Variants in MNAT1 observed in about 807,000 individuals in gnomAD.
The protein encoded by MNAT1 is CDK-activating kinase assembly factor MAT1.
Under a neutral mutation model 42.0 loss-of-function variants are expected in MNAT1, and 43 were observed. The ratio of observed to expected loss-of-function variants is 1.02; its 90% confidence interval spans 0.80 to 1.32. MNAT1 has a LOEUF of 1.32. Among genes scored for constraint, MNAT1 ranks in the 40% most tolerant of loss-of-function variants. The probability of loss-of-function intolerance (pLI) is 0.00; values close to 1 mark genes in which losing one functional copy is unlikely to be tolerated. For missense variants in MNAT1, 306 were observed against 350.4 expected (o/e 0.87, Z 1.01); for synonymous variants, 118 against 120.0 (o/e 0.98, Z 0.11).
At chr14:60,783,678 A>T (rs1447338754) in intron 1 of MNAT1, among the ~76,000 whole-genome samples, 1 of 151,194 alleles carries the variant, frequency 6.6e-6, no homozygotes, top group Non-Finnish European at 1.5e-5. Flanking sequence ...TTGTATTTTC[A>T]GTAGAGACAG....
chr14:60,819,581 T>C (rs1020387647), intron 6 of MNAT1, among the ~76,000 whole-genome samples: 1 of 152,156 alleles, frequency 6.6e-6, no homozygotes, highest in African/African-American at 2.4e-5. Flanking sequence ...GATATCTCAA[T>C]TACCCTGTTT....
chr14:60,846,864 G>A (rs2033695599), intron 6 of MNAT1, among the ~76,000 whole-genome samples: 1 of 152,152 alleles, frequency 6.6e-6, no homozygotes, highest in Non-Finnish European at 1.5e-5. Context: ...GTTGCTTGAT[G>A]GTTATGTTGA....
chr14:60,771,692 C>CT (rs1316819685), intron 1 of MNAT1, among the ~76,000 whole-genome samples: 1 of 152,168 alleles, frequency 6.6e-6, no homozygotes, highest in African/African-American at 2.4e-5. Context: ...ACTTTTCACC[C>CT]TGCCCTACAT....
chr14:60,963,794 A>T (rs2036637196), intron 7 of MNAT1, among the ~76,000 whole-genome samples: 1 of 152,154 alleles, frequency 6.6e-6, no homozygotes. Context: ...CAAGTTTTTA[A>T]CTCTCCATAG....
chr14:60,776,388 T>C (rs2031251286), intron 1 of MNAT1, among the ~76,000 whole-genome samples: 1 of 152,004 alleles, frequency 6.6e-6, no homozygotes, highest in Non-Finnish European at 1.5e-5. Context: ...GCTGAAGGTA[T>C]GAGGGTGAGT....
chr14:60,793,036 T>G (rs1487828040), intron 1 of MNAT1, among the ~76,000 whole-genome samples: 2 of 151,888 alleles, frequency 1.3e-5, no homozygotes, highest in Non-Finnish European at 1.5e-5. Flanking sequence ...TTTTTTTTTT[T>G]GAAACAGGGT....
chr14:60,858,558 T>C (rs1193980685), intron 6 of MNAT1, among the ~76,000 whole-genome samples: 1 of 152,132 alleles, frequency 6.6e-6, no homozygotes, highest in East Asian at 1.9e-4. Flanking sequence ...TTTGAGAGAA[T>C]TGACTCCAAT....
intron 1 of MNAT1, chr14:60,780,102 T>G: frequency 2.7e-6 from 4 of 1,459,846 alleles, no homozygotes. Context: ...CCATCTGAAA[T>G]CTTTACTCGA....
intron 6 of MNAT1, among the ~76,000 whole-genome samples, 156 bp from the exon 7 acceptor site, chr14:60,879,558 T>G (rs1346273034): frequency 6.6e-6 from 1 of 152,182 alleles, no homozygotes; most frequent in African/African-American, 2.4e-5. Context: ...TATGTGGGTT[T>G]TGGTTATGCT....
At chr14:60,950,706 C>T (rs1055048445) in intron 7 of MNAT1, among the ~76,000 whole-genome samples, 1 of 152,084 alleles carries the variant, frequency 6.6e-6, no homozygotes, top group African/African-American at 2.4e-5. Context: ...GATTGGACAC[C>T]CCTGATGTAT....
intron 6 of MNAT1, among the ~76,000 whole-genome samples, chr14:60,878,337 T>A (rs1318146659): frequency 1.3e-5 from 2 of 152,146 alleles, no homozygotes; most frequent in Admixed American, 6.6e-5. Flanking sequence ...GAAATCTTTT[T>A]TTATTATTAT....
chr14:60,757,985 G>T (rs561751919), intron 1 of MNAT1, among the ~76,000 whole-genome samples: 11 of 152,132 alleles, frequency 7.2e-5, no homozygotes, highest in Non-Finnish European at 1.2e-4. Flanking sequence ...GATGAGTGTT[G>T]TTGGAACCAT....
intron 6 of MNAT1, among the ~76,000 whole-genome samples, chr14:60,872,186 A>G (rs969449948): frequency 6.6e-6 from 1 of 152,042 alleles, no homozygotes. Flanking sequence ...GTGGCAAGAG[A>G]GGGAGCAAGA....
intron 7 of MNAT1, among the ~76,000 whole-genome samples, chr14:60,947,218 C>A (rs1043181807): frequency 3.0e-4 from 45 of 152,158 alleles, no homozygotes; most frequent in African/African-American, 1.1e-3. Context: ...AAAACAATAT[C>A]TTCCTAGGAC....
intron 1 of MNAT1, among the ~76,000 whole-genome samples, chr14:60,744,012 A>G (rs1453161711): frequency 1.3e-5 from 2 of 152,044 alleles, no homozygotes; most frequent in African/African-American, 4.8e-5. Flanking sequence ...AGTTCTTTGA[A>G]TGCATTTTCC....
chr14:60,754,400 T>C (rs1276433930), intron 1 of MNAT1, among the ~76,000 whole-genome samples: 1 of 148,732 alleles, frequency 6.7e-6, no homozygotes, highest in Non-Finnish European at 1.5e-5. Context: ...GGAGTTGGAG[T>C]GCAGTGGCAC....
intron 1 of MNAT1, among the ~76,000 whole-genome samples, chr14:60,780,947 C>G (rs560075641): frequency 6.6e-6 from 1 of 152,066 alleles, no homozygotes; most frequent in Non-Finnish European, 1.5e-5. Context: ...AGTAGCTTGA[C>G]TCAGTATAGG....
rs866494737 is a variant in MNAT1 at position 60,943,047 on chromosome 14, T to C, written c.810-25182T>C. 3.3e-4 allele frequency among the ~76,000 whole-genome samples: 27 copies of C among 81,706 alleles called. No individual in the cohort carries two copies. In the South Asian group the frequency reaches 3.5e-3, roughly 11 times the overall value. 53.6% of individuals were successfully genotyped at this position (81,706 alleles called of 152,430 possible). On this transcript the variant is annotated intron_variant, in intron 7 of 7. Transcript: ENST00000261245. Reference sequence around the variant, plus strand: ...GTGTGTGTGTGTGTGTGTGTGTGTGTGTGCGCTTTTTTTTTTTTTTTTTTG... The same window carrying C: ...GTGTGTGTGTGTGTGTGTGTGTGTGCGTGCGCTTTTTTTTTTTTTTTTTTG...
chr14:60,865,227 GGTATTTTT>G (rs2139439866), intron 6 of MNAT1, among the ~76,000 whole-genome samples: 1 of 151,858 alleles, frequency 6.6e-6, no homozygotes, highest in South Asian at 2.1e-4. Context: ...AATCTTACAT[GGTATTTTT>G]GTTTTGCTTA....
Sources: gnomAD v4.1 joint callset for allele counts (sites outside exome capture counted in the v4.1 genomes callset) on GRCh38, gnomAD v4.1.1 for gene constraint, MANE v1.5 for transcripts, NCBI Gene and HGNC (gene_info 2026-07-23, HGNC 2026-07-21) for gene names.